FRMPD3: variants seen among roughly 807,000 people sequenced by gnomAD.
FRMPD3 encodes the protein FERM and PDZ domain containing 3.
Under a neutral mutation model 97.9 loss-of-function variants are expected in FRMPD3, and 42 were observed. The observed-to-expected ratio is 0.43, with a 90% CI of 0.34 to 0.55. FRMPD3 has a LOEUF of 0.55. Ranked by LOEUF, FRMPD3 falls within the 20% of genes least tolerant of loss-of-function variation. The pLI is 0.03. For synonymous variants in FRMPD3, 577 were observed against 581.1 expected, an observed-to-expected ratio of 0.99 and a Z score of 0.10; for missense variants, 1,303 against 1,457.7, an observed-to-expected ratio of 0.89 and a Z score of 1.73.
At chrX:107,530,543 G>A in intron 3 of FRMPD3, 32 bp downstream of exon 3, 6 of 1,004,034 alleles carry the variant, frequency 6.0e-6, no homozygotes, top group Non-Finnish European at 8.3e-6. Context: ...GAACTGATCA[G>A]TATCCCCACC....
chrX:107,485,768 C>T (rs1921487276), intron 1 of FRMPD3, among the ~76,000 whole-genome samples: 1 of 111,745 alleles, frequency 8.9e-6, no homozygotes, highest in African/African-American at 3.3e-5. Flanking sequence ...TACCCCAGTG[C>T]TGAGGGCAGG....
intron 1 of FRMPD3, among the ~76,000 whole-genome samples, chrX:107,524,706 C>T (rs956152906): frequency 2.7e-5 from 3 of 112,593 alleles, no homozygotes; most frequent in African/African-American, 9.7e-5. Context: ...AATTGCATTG[C>T]TCTCGGCTAG....
rs771680509 is a variant in FRMPD3, at chrX:107,545,878, G to C, written c.402+37G>C. On this transcript the variant is annotated intron_variant, in intron 5 of 14. Transcript: ENST00000683843. ...TTTGGCTCCCTCTCCTCAGCCCCTG[G>C]CCATAATCTGCCTGGCTGTCAAGCT... 292 of 1,028,670 alleles carry C rather than the reference G, an allele frequency of 2.8e-4. 1 individual carries two copies. In the South Asian group the frequency reaches 5.5e-3, roughly 20 times the overall value. The allele number at this position is 1,028,670 out of a possible 1,213,427, so 84.8% of individuals were successfully genotyped here.
chrX:107,450,139 A>G (rs1274352044), intron 1 of FRMPD3, among the ~76,000 whole-genome samples, 134 bp downstream of exon 1: 5 of 110,080 alleles, frequency 4.5e-5, no homozygotes, highest in Non-Finnish European at 9.6e-5. Flanking sequence ...AGCCGGGGGC[A>G]GGGCGGGGGG....
intron 2 of FRMPD3, among the ~76,000 whole-genome samples, chrX:107,528,953 G>A (rs1039865876): frequency 9.7e-5 from 11 of 113,211 alleles, no homozygotes; most frequent in Admixed American, 1.9e-4. Flanking sequence ...GTGCTCAAGT[G>A]ATGTATTTGT....
chrX:107,484,324 G>A (rs1254615144), intron 1 of FRMPD3, among the ~76,000 whole-genome samples: 1 of 112,572 alleles, frequency 8.9e-6, no homozygotes, highest in Non-Finnish European at 1.9e-5. Flanking sequence ...AGGTAACAGG[G>A]AGGGAGCTGG....
intron 1 of FRMPD3, among the ~76,000 whole-genome samples, chrX:107,477,481 A>G (rs1393283391): frequency 8.9e-6 from 1 of 112,778 alleles, no homozygotes; most frequent in Non-Finnish European, 1.9e-5. Context: ...AAGTCTGGGT[A>G]ATGATAAACT....
chrX:107,603,319 T>A lies in FRMPD3; in HGVS notation c.5280T>A (p.Thr1760=). The A allele has an allele frequency of 9.0e-7, 1 of 1,109,667 alleles. No individual in the cohort carries two copies. The highest frequency in any genetic ancestry group is 1.2e-6 in the Non-Finnish European group (1 of 846,245). The allele number at this position is 1,109,667 out of a possible 1,213,427, so 91.4% of individuals were successfully genotyped here. The change falls in exon 15 of 15, where the codon ACT becomes ACA. Residue 1760 remains threonine, a synonymous_variant. Transcript: ENST00000683843. ...AATEHPPGSP[T]SATVMSTFTH... ...CAGAGCATCCACCAGGCTCCCCAAC[T>A]TCGGCGACTGTTATGAGCACATTCA... is the stretch of plus-strand genomic sequence containing the variant.
chrX:107,560,699 T>G (rs1218477344), intron 9 of FRMPD3, 28 bp from the exon 10 acceptor site: 5 of 1,152,951 alleles, frequency 4.3e-6, no homozygotes, highest in African/African-American at 1.8e-5. Flanking sequence ...CCTCTCTCAC[T>G]AATCTCTTAC....
At position 107,602,148 on chromosome X, in the gene FRMPD3, T is replaced by G. The variant is rs1292373602; in HGVS notation, c.4109T>G (p.Val1370Gly). 1.7e-6 allele frequency: 2 copies of G among 1,210,731 alleles called. No individual in the cohort carries two copies. Among genetic ancestry groups the G allele is most frequent in the Non-Finnish European group, 2.2e-6 (2 of 895,341 alleles). The change falls in exon 15 of 15, where the codon GTT becomes GGT. Residue 1370 changes from valine (V) to glycine (G), a missense_variant. This residue lies in a region of FRMPD3 where 764 missense variants were observed against 820.2 expected (regional missense o/e 0.93). Coordinates refer to ENST00000683843, the MANE Select transcript of FRMPD3 (RefSeq NM_001388459.1). Reference protein sequence around the residue: ...RECRSDPESGVSCLTTCASGG... With the variant: ...RECRSDPESGGSCLTTCASGG... ...TGCCGATCGGACCCTGAGAGTGGTG[T>G]TTCGTGCCTGACCACGTGTGCCTCG...
intron 1 of FRMPD3, among the ~76,000 whole-genome samples, chrX:107,483,684 A>C (rs750249805): frequency 2.5e-4 from 28 of 111,502 alleles, no homozygotes; most frequent in Admixed American, 2.8e-4. Flanking sequence ...GTCTGTCTGC[A>C]TCGTGACTCT....
chrX:107,503,717 A>T (rs937836566), intron 1 of FRMPD3, among the ~76,000 whole-genome samples: 12 of 111,925 alleles, frequency 1.1e-4, no homozygotes, highest in African/African-American at 3.6e-4. Flanking sequence ...AGATCCCCTG[A>T]CAACCACTGG....
chrX:107,507,889 T>C (rs1366507124), intron 1 of FRMPD3, among the ~76,000 whole-genome samples: 1 of 112,285 alleles, frequency 8.9e-6, no homozygotes, highest in African/African-American at 3.2e-5. Context: ...GCTACTATTA[T>C]AACTATGTGC....
intron 1 of FRMPD3, among the ~76,000 whole-genome samples, chrX:107,499,718 T>C (rs373817257): frequency 7.1e-4 from 80 of 112,519 alleles, no homozygotes; most frequent in African/African-American, 2.4e-3. Flanking sequence ...TTAACCCTCA[T>C]AATAACCATA....
At chrX:107,472,812 TAG>T (rs1274492128) in intron 1 of FRMPD3, among the ~76,000 whole-genome samples, 1 of 112,601 alleles carries the variant, frequency 8.9e-6, no homozygotes, top group Non-Finnish European at 1.9e-5. Context: ...TTTTGTGACT[TAG>T]GGCAAGTCAC....
At position 107,602,126 on chromosome X, in the gene FRMPD3, C is replaced by A. The variant is rs1333830562; in HGVS notation, c.4087C>A (p.Arg1363=). 6 of 1,210,488 alleles carry A rather than the reference C, an allele frequency of 5.0e-6. No homozygotes were observed. Among genetic ancestry groups the A allele is most frequent in the Non-Finnish European group, 5.6e-6 (5 of 895,217 alleles). Residue 1363 remains arginine (R), a synonymous_variant, in exon 15 of 15, where the codon CGA becomes AGA. Coordinates refer to ENST00000683843, the MANE Select transcript of FRMPD3 (RefSeq NM_001388459.1). The part of the protein sequence containing the change: ...RSTSLESREC[R]SDPESGVSCL... ...TACCAGCCTGGAGTCCCGAGAGTGC[C>A]GATCGGACCCTGAGAGTGGTGTTTC...
At chrX:107,545,081 A>AAAAT (rs1330848052) in intron 4 of FRMPD3, 1 of 111,925 alleles carries the variant, frequency 8.9e-6, no homozygotes. Context: ...ACTCCGTCTA[A>AAAAT]AAATAAATAA....
At chrX:107,466,601 T>C (rs894154056) in intron 1 of FRMPD3, among the ~76,000 whole-genome samples, 3 of 112,362 alleles carry the variant, frequency 2.7e-5, no homozygotes, top group South Asian at 3.7e-4. Context: ...TTCCCTTCAG[T>C]GGGACTGAGA....
At chrX:107,549,833 G>C (rs1249535542) in intron 5 of FRMPD3, among the ~76,000 whole-genome samples, 1 of 111,315 alleles carries the variant, frequency 9.0e-6, no homozygotes, top group Non-Finnish European at 1.9e-5. Flanking sequence ...GATGTCAAAT[G>C]GAGGCGGGCT....
Sources: allele counts gnomAD v4.1 joint callset (sites outside exome capture counted in the v4.1 genomes callset), GRCh38; gene constraint gnomAD v4.1.1; regional missense constraint gnomAD v4.1.1; transcripts MANE v1.5; gene names NCBI Gene and HGNC (gene_info 2026-07-23, HGNC 2026-07-21).